The following SHANK2 variants were observed in gnomAD, a reference collection of about 807,000 sequenced individuals.
The protein encoded by SHANK2 is SH3 and multiple ankyrin repeat domains protein 2.
SHANK2 carries 43 observed loss-of-function variants against 133.7 expected under a neutral mutation model. That is an observed-to-expected ratio of 0.32 (90% CI 0.25 to 0.41). SHANK2 has a LOEUF of 0.41. SHANK2 is among the 10% of genes least tolerant of loss of function. The probability of loss-of-function intolerance (pLI) is 1.00; values close to 1 mark genes in which losing one functional copy is unlikely to be tolerated. For missense variants in SHANK2, 1,994 were observed against 2,235.8 expected (o/e 0.89, Z 2.18); for synonymous variants, 1,017 against 952.8 (o/e 1.07, Z -1.24).
At chr11:70,948,116 T>C (rs1950777195) in intron 10 of SHANK2, among the ~76,000 whole-genome samples, 2 of 152,242 alleles carry the variant, frequency 1.3e-5, no homozygotes, top group South Asian at 4.2e-4. Context: ...GCCCACTCTT[T>C]CCTTCCTCTT....
chr11:70,869,895 CCTCTGCCTGAAGCTCCCCAGG>C (rs1256511544), intron 11 of SHANK2, among the ~76,000 whole-genome samples: 2 of 152,130 alleles, frequency 1.3e-5, no homozygotes, highest in Non-Finnish European at 2.9e-5. Context: ...GAATGCCTCC[CCTCTGCCTGAAGCTCCCCAGG>C]CTCTGCCTTC....
At chr11:71,201,807 C>A (rs1555117184) in intron 2 of SHANK2, among the ~76,000 whole-genome samples, 2 of 152,114 alleles carry the variant, frequency 1.3e-5, no homozygotes, top group Admixed American at 1.3e-4. Context: ...GGGGATGAAT[C>A]TGTGGGAAGG....
In SHANK2 at chr11:70,500,034, C is replaced by T. The variant is rs531317542; in HGVS notation, c.2308+536G>A. Among the ~76,000 whole-genome samples the T allele has an allele frequency of 7.2e-5, 11 of 152,260 alleles. No homozygotes were observed. Among genetic ancestry groups the T allele is most frequent in the African/African-American group, 1.4e-4 (6 of 41,554 alleles). Reference sequence around the variant, plus strand: ...CTGAGTCTATCTGGGGCCTGCGGTCCGGCTGCCCACAGCCACAGTGACTGC... The same window carrying T: ...CTGAGTCTATCTGGGGCCTGCGGTCTGGCTGCCCACAGCCACAGTGACTGC... On this transcript the variant is annotated intron_variant, in intron 21 of 25. Coordinates refer to ENST00000601538, the MANE Select transcript of SHANK2 (RefSeq NM_012309.5). This position sits in a 1 kb window ranked among gnomAD's most constrained non-coding sequence, Gnocchi z 4.5.
chr11:70,571,371 C>T (rs1441210958), intron 17 of SHANK2: 1 of 152,262 alleles, frequency 6.6e-6, no homozygotes, highest in Non-Finnish European at 1.5e-5. Context: ...GAATCAACGC[C>T]AGGCTCTCGG....
chr11:70,885,692 C>G (rs1949730051), intron 11 of SHANK2, among the ~76,000 whole-genome samples: 1 of 152,184 alleles, frequency 6.6e-6, no homozygotes, highest in Admixed American at 6.5e-5. Context: ...AGCATCCCAT[C>G]AGGACAAAAT....
At chr11:70,748,289 A>C (rs1396560501) in intron 14 of SHANK2, among the ~76,000 whole-genome samples, 2 of 152,168 alleles carry the variant, frequency 1.3e-5, no homozygotes, top group Non-Finnish European at 2.9e-5. Context: ...CGCTGTTCTG[A>C]AAGCCACCAG....
At chr11:70,736,180 C>T (rs1946400219) in intron 14 of SHANK2, among the ~76,000 whole-genome samples, 1 of 152,058 alleles carries the variant, frequency 6.6e-6, no homozygotes, top group Non-Finnish European at 1.5e-5. Context: ...CCTGTGTTCA[C>T]ATTCAGGCCA....
Position 70,487,081 on chromosome 11 carries a change from C to T in SHANK2, c.3212G>A (p.Ser1071Asn), listed in dbSNP as rs1332628349. ...GGCAAAGGGGCTGCTGACGGTCAGG[C>T]TTTCGTCAGGCCGCAGCTGGCTCGG... ...EPPSQLRPDE[S>N]LTVSSPFAAA... Residue 1071 changes from serine to asparagine, a missense_variant, in exon 25 of 26, where the codon AGC becomes AAC. Physicochemically the swap from Ser to Asn is conservative, Grantham distance 46. Around this residue, in one of 5 missense-constraint regions of SHANK2, gnomAD observed 488 missense variants for 642.6 expected, o/e 0.76. Transcript: ENST00000601538. The surrounding 1 kb of genome is among the most constrained non-coding windows in gnomAD (Gnocchi z 5.8). 1.9e-6 allele frequency: 3 copies of T among 1,610,136 alleles called. No individual in the cohort carries two copies. Among genetic ancestry groups the T allele is most frequent in the Non-Finnish European group, 2.5e-6 (3 of 1,179,898 alleles).
chr11:71,066,977 A>G (rs1951070853), intron 9 of SHANK2, among the ~76,000 whole-genome samples: 1 of 152,206 alleles, frequency 6.6e-6, no homozygotes, highest in South Asian at 2.1e-4. Context: ...TCCACAAGGC[A>G]TGGGTTGGAA....
chr11:70,940,866 A>AGCTTAAATGAACAAGTG (rs1184017317), intron 10 of SHANK2, among the ~76,000 whole-genome samples: 11 of 152,324 alleles, frequency 7.2e-5, no homozygotes, highest in Non-Finnish European at 1.2e-4. Flanking sequence ...ATGAACAAGC[A>AGCTTAAATGAACAAGTG]CCACACAGGG....
At chr11:70,949,399 G>A (rs1208793518) in intron 10 of SHANK2, among the ~76,000 whole-genome samples, 1 of 152,224 alleles carries the variant, frequency 6.6e-6, no homozygotes, top group Non-Finnish European at 1.5e-5. Flanking sequence ...AGGACCCTGG[G>A]CTGCACAAGC....
At chr11:70,542,028 G>C (rs113400251) in intron 17 of SHANK2, among the ~76,000 whole-genome samples, 1 of 152,184 alleles carries the variant, frequency 6.6e-6, no homozygotes, top group South Asian at 2.1e-4. Context: ...CTCTGTGCAC[G>C]GGCCACTGAG....
At chr11:71,232,634 G>C (rs1555123113) in intron 1 of SHANK2, among the ~76,000 whole-genome samples, 1 of 152,002 alleles carries the variant, frequency 6.6e-6, no homozygotes, top group Non-Finnish European at 1.5e-5. Context: ...CTTCCACTCA[G>C]TGAGGAGTGA....
intron 17 of SHANK2, among the ~76,000 whole-genome samples, chr11:70,626,511 C>A (rs557699537): frequency 6.6e-6 from 1 of 152,170 alleles, no homozygotes; most frequent in Non-Finnish European, 1.5e-5. Flanking sequence ...CGCCACAAAG[C>A]CCATTGGACT....
chr11:70,657,723 G>A (rs1555011994), intron 17 of SHANK2, among the ~76,000 whole-genome samples: 1 of 152,228 alleles, frequency 6.6e-6, no homozygotes, highest in African/African-American at 2.4e-5. Context: ...GGAAGTCAGA[G>A]GTTACCCAGA....
At chr11:70,550,424 T>C (rs1012642010) in intron 17 of SHANK2, among the ~76,000 whole-genome samples, 2 of 152,100 alleles carry the variant, frequency 1.3e-5, no homozygotes, top group Non-Finnish European at 2.9e-5. Context: ...GGGGATGCTC[T>C]TCGGTTTTTG....
At chr11:71,099,412 G>A (rs541987826) in intron 6 of SHANK2, among the ~76,000 whole-genome samples, 1 of 152,306 alleles carries the variant, frequency 6.6e-6, no homozygotes, top group East Asian at 1.9e-4. Context: ...CTGGGTATAG[G>A]ATATATGGTA....
At chr11:71,073,805 T>C (rs1951182118) in intron 9 of SHANK2, among the ~76,000 whole-genome samples, 1 of 152,128 alleles carries the variant, frequency 6.6e-6, no homozygotes, top group African/African-American at 2.4e-5. Context: ...CACGCATGCC[T>C]GGTGGGGGTA....
chr11:71,146,034 T>C (rs1405624139), intron 3 of SHANK2, among the ~76,000 whole-genome samples: 2 of 152,188 alleles, frequency 1.3e-5, no homozygotes, highest in African/African-American at 4.8e-5. Context: ...CCATGTCTAC[T>C]CCACAGCAAA....
Sources: gnomAD v4.1 joint callset for allele counts (sites outside exome capture counted in the v4.1 genomes callset) on GRCh38, gnomAD v4.1.1 for gene constraint, gnomAD v4.1.1 regional missense constraint, Gnocchi (gnomAD v3.1) non-coding constraint, MANE v1.5 for transcripts, NCBI Gene and HGNC (gene_info 2026-07-23, HGNC 2026-07-21) for gene names.